Variants in CCDC148 observed in about 807,000 individuals in gnomAD.
CCDC148 encodes the protein coiled-coil domain containing 148, also known as coiled-coil domain-containing protein 148.
CCDC148 carries 89 observed loss-of-function variants against 85.7 expected under a neutral mutation model. The observed-to-expected ratio is 1.04, with a 90% confidence interval of 0.87 to 1.24. The LOEUF (loss-of-function observed/expected upper bound fraction) is 1.24. Ranked by LOEUF, CCDC148 falls within the 50% of genes most tolerant of loss-of-function variation. The pLI is 0.00. For synonymous variants in CCDC148, 230 were observed against 213.9 expected (o/e 1.08, Z -0.66); for missense variants, 692 against 671.7 (o/e 1.03, Z -0.33).
chr2:158,210,297 C>T (rs1316613735), intron 11 of CCDC148, among the ~76,000 whole-genome samples: 3 of 152,132 alleles, frequency 2.0e-5, no homozygotes, highest in Non-Finnish European at 2.9e-5. Context: ...TACAGGAGCA[C>T]TCAGATTCAT....
intron 7 of CCDC148, among the ~76,000 whole-genome samples, chr2:158,337,923 T>C (rs1682472119): frequency 6.6e-6 from 1 of 152,208 alleles, no homozygotes; most frequent in African/African-American, 2.4e-5. Flanking sequence ...CTTCTTCCAT[T>C]CCAAAGTTAT....
chr2:158,217,351 T>TATATAC, intron 11 of CCDC148, among the ~76,000 whole-genome samples: 1 of 127,304 alleles, frequency 7.9e-6, no homozygotes, highest in South Asian at 2.7e-4. Flanking sequence ...TATATATATA[T>TATATAC]ATATAAAATT....
At chr2:158,336,626 G>A (rs775226591) in intron 7 of CCDC148, among the ~76,000 whole-genome samples, 2 of 152,016 alleles carry the variant, frequency 1.3e-5, no homozygotes, top group Non-Finnish European at 2.9e-5. Context: ...AATGTATTAT[G>A]GATAATTATA....
At chr2:158,192,334 C>G (rs1305638389) in intron 11 of CCDC148, among the ~76,000 whole-genome samples, 1 of 151,926 alleles carries the variant, frequency 6.6e-6, no homozygotes, top group Non-Finnish European at 1.5e-5. Flanking sequence ...GAGAATAAAA[C>G]AGGCTTCCAA....
intron 9 of CCDC148, among the ~76,000 whole-genome samples, chr2:158,291,074 T>C (rs1239810011): frequency 1.3e-5 from 2 of 151,994 alleles, no homozygotes; most frequent in East Asian, 1.9e-4. Context: ...ATAAAATCCA[T>C]CGCTGCCCCT....
chr2:158,276,865 T>C (rs1689971873), intron 9 of CCDC148, among the ~76,000 whole-genome samples: 2 of 152,242 alleles, frequency 1.3e-5, no homozygotes, highest in Admixed American at 6.5e-5. Flanking sequence ...CTAGAATATG[T>C]ATGCTTTGTT....
intron 7 of CCDC148, among the ~76,000 whole-genome samples, chr2:158,332,669 C>CTT (rs908898642): frequency 6.6e-6 from 1 of 151,586 alleles, no homozygotes; most frequent in African/African-American, 2.4e-5. Context: ...GTCCTGGACT[C>CTT]TTTTTGGTTG....
chr2:158,242,537 G>A (rs868222508), intron 10 of CCDC148, among the ~76,000 whole-genome samples: 2 of 151,896 alleles, frequency 1.3e-5, no homozygotes, highest in South Asian at 2.1e-4. Context: ...CTGAGGGAAC[G>A]CAAAAAGCCC....
At chr2:158,346,436 T>C (rs1682998132) in intron 2 of CCDC148, among the ~76,000 whole-genome samples, 2 of 152,186 alleles carry the variant, frequency 1.3e-5, no homozygotes, top group Non-Finnish European at 2.9e-5. Flanking sequence ...GCTTCTTCTG[T>C]ATGTCCCTCT....
chr2:158,279,957 G>C (rs1690184984), intron 9 of CCDC148, among the ~76,000 whole-genome samples: 1 of 151,712 alleles, frequency 6.6e-6, no homozygotes, highest in African/African-American at 2.4e-5. Context: ...CCAGAAGAGA[G>C]TGGGGGCCAA....
intron 1 of CCDC148, among the ~76,000 whole-genome samples, chr2:158,386,438 C>T (rs905550594): frequency 1.3e-5 from 2 of 152,040 alleles, no homozygotes; most frequent in East Asian, 1.9e-4. Context: ...TTCTGCTTCC[C>T]GGTACATGAA....
chr2:158,405,214 C>G (rs1202032247), intron 1 of CCDC148, among the ~76,000 whole-genome samples: 1 of 152,090 alleles, frequency 6.6e-6, no homozygotes, highest in Non-Finnish European at 1.5e-5. Context: ...TCCTTGTATA[C>G]ATTCTGACAT....
At chr2:158,423,960 GA>G (rs1686939138) in intron 1 of CCDC148, among the ~76,000 whole-genome samples, 1 of 152,138 alleles carries the variant, frequency 6.6e-6, no homozygotes, top group Non-Finnish European at 1.5e-5. Context: ...AGCAGACCAT[GA>G]AAAAATGCTC....
intron 10 of CCDC148, chr2:158,236,289 C>G (rs1688103641): frequency 6.6e-6 from 1 of 152,056 alleles, no homozygotes; most frequent in African/African-American, 2.4e-5. Flanking sequence ...CATGATGAGC[C>G]AAGAAAGTAT....
rs1004893037 is a variant in CCDC148, at chr2:158,456,505, T to C, written c.-66A>G. ...GCAGGAAAAGTGAAACGCCCACTCC[T>C]GGGCTCTCGCCGTCAGGGGTACATC... On this transcript the variant is annotated 5_prime_UTR_variant, in exon 1 of 14. Coordinates refer to ENST00000283233, the MANE Select transcript of CCDC148 (RefSeq NM_138803.4). 5 of 1,575,334 alleles carry C rather than the reference T, an allele frequency of 3.2e-6. No individual in the cohort carries two copies. The highest frequency in any genetic ancestry group is 1.7e-4 in the Middle Eastern group (1 of 5,932).
chr2:158,366,620 A>C (rs1216040304), intron 1 of CCDC148, among the ~76,000 whole-genome samples: 1 of 152,158 alleles, frequency 6.6e-6, no homozygotes, highest in Non-Finnish European at 1.5e-5. Context: ...GTACCCAGTG[A>C]CTGAGGAAGG....
At chr2:158,230,293 C>T (rs772817601) in intron 10 of CCDC148, among the ~76,000 whole-genome samples, 7 of 152,024 alleles carry the variant, frequency 4.6e-5, no homozygotes, top group South Asian at 2.1e-4. Context: ...GAAGGGGATA[C>T]GTAGAGTGAT....
At chr2:158,278,007 T>C (rs1690042407) in intron 9 of CCDC148, among the ~76,000 whole-genome samples, 1 of 152,246 alleles carries the variant, frequency 6.6e-6, no homozygotes, top group South Asian at 2.1e-4. Context: ...TTCTAGCCAC[T>C]ACACTGTGTT....
intron 12 of CCDC148, among the ~76,000 whole-genome samples, chr2:158,176,880 T>C (rs181450243): frequency 1.3e-5 from 2 of 152,232 alleles, no homozygotes; most frequent in East Asian, 3.9e-4. Flanking sequence ...TTAAAATGCC[T>C]TGGCATATAG....
Sources: gnomAD v4.1 joint callset for allele counts (sites outside exome capture counted in the v4.1 genomes callset) on GRCh38, gnomAD v4.1.1 for gene constraint, MANE v1.5 for transcripts, NCBI Gene and HGNC (gene_info 2026-07-23, HGNC 2026-07-21) for gene names.